WNT3A: variants seen among roughly 807,000 people sequenced by gnomAD.
The protein encoded by WNT3A is protein Wnt-3a.
A neutral mutation model predicts 37.0 loss-of-function variants in WNT3A; 17 were observed. The ratio of observed to expected loss-of-function variants is 0.46; its 90% CI spans 0.31 to 0.69. The LOEUF (loss-of-function observed/expected upper bound fraction) is 0.69. Ranked by LOEUF, WNT3A falls within the 30% of genes least tolerant of loss-of-function variation. The pLI, the probability that WNT3A is intolerant of heterozygous loss-of-function variation, is 0.05. For missense variants in WNT3A, 411 were observed against 510.2 expected (o/e 0.81, Z 1.87); for synonymous variants, 187 against 211.0 (o/e 0.89, Z 0.99).
chr1:228,014,740 C>T (rs2030477070), intron 1 of WNT3A, among the ~76,000 whole-genome samples: 1 of 152,266 alleles, frequency 6.6e-6, no homozygotes. Context: ...CTACCGCCCG[C>T]CTTGTGGTCC....
At chr1:228,058,486 T>G (rs889785439) in intron 3 of WNT3A, among the ~76,000 whole-genome samples, 3 of 152,238 alleles carry the variant, frequency 2.0e-5, no homozygotes, top group South Asian at 2.1e-4. Context: ...TGTCCCAACA[T>G]TGCCTTCCTC....
rs762167307 is a variant in WNT3A, at chr1:228,007,839, C to T, written c.71+640C>T. Reference sequence around the variant, plus strand: ...CTCTCTGCGAGCCCTCCGCATGGGTCCACCTGGCAATGAGGGGCTGCTGTA... The same window carrying T: ...CTCTCTGCGAGCCCTCCGCATGGGTTCACCTGGCAATGAGGGGCTGCTGTA... On this transcript the variant is annotated intron_variant, in intron 1 of 3. Coordinates refer to ENST00000284523, the MANE Select transcript of WNT3A (RefSeq NM_033131.4). The surrounding 1 kb of genome is among the most constrained non-coding windows in gnomAD (Gnocchi z 6.0). Among the ~76,000 whole-genome samples, 38 of 152,186 alleles carry T rather than the reference C, an allele frequency of 2.5e-4. No individual in the cohort carries two copies. The highest frequency in any genetic ancestry group is 5.9e-4 in the Admixed American group (9 of 15,302).
intron 3 of WNT3A, among the ~76,000 whole-genome samples, chr1:228,054,627 C>CAAAAAA (rs61497242): frequency 6.8e-5 from 4 of 58,516 alleles, no homozygotes; most frequent in African/African-American, 2.6e-4. Context: ...GACTCTGTCT[C>CAAAAAA]AAAAAAAAAA....
intron 2 of WNT3A, among the ~76,000 whole-genome samples, chr1:228,030,012 C>T (rs1349699489): frequency 6.6e-6 from 1 of 152,052 alleles, no homozygotes; most frequent in African/African-American, 2.4e-5. Flanking sequence ...CACTTGAGTC[C>T]AGGTTGAGGC....
intron 3 of WNT3A, among the ~76,000 whole-genome samples, chr1:228,057,194 C>G (rs2031700255): frequency 6.6e-6 from 1 of 152,044 alleles, no homozygotes; most frequent in East Asian, 1.9e-4. Context: ...TAAAGTAGTC[C>G]CAATACCACC....
intron 2 of WNT3A, among the ~76,000 whole-genome samples, chr1:228,047,079 C>T (rs1009603879): frequency 1.4e-4 from 22 of 152,140 alleles, no homozygotes; most frequent in Admixed American, 7.9e-4. Flanking sequence ...GCAGCCTGGG[C>T]GGCTGGGGCT....
intron 3 of WNT3A, among the ~76,000 whole-genome samples, chr1:228,056,053 C>T (rs1271127343): frequency 1.3e-5 from 2 of 152,216 alleles, no homozygotes; most frequent in African/African-American, 4.8e-5. Context: ...AGATTCTGCT[C>T]TGGGGACTCT....
At chr1:228,030,695 A>G (rs945432652) in intron 2 of WNT3A, among the ~76,000 whole-genome samples, 6 of 152,130 alleles carry the variant, frequency 3.9e-5, no homozygotes, top group African/African-American at 1.2e-4. Flanking sequence ...CTGCTTCTCA[A>G]ACACTGAGCA....
chr1:228,051,162 C>T (rs1241780659), intron 3 of WNT3A, among the ~76,000 whole-genome samples: 1 of 152,150 alleles, frequency 6.6e-6, no homozygotes, highest in Non-Finnish European at 1.5e-5. Context: ...AGTGATGAGG[C>T]AAAGGCCTGG....
intron 1 of WNT3A, among the ~76,000 whole-genome samples, chr1:228,013,977 C>T (rs765619990): frequency 1.4e-4 from 21 of 152,230 alleles, no homozygotes; most frequent in Non-Finnish European, 2.2e-4. Flanking sequence ...CAGAGACACC[C>T]ACCTGCCCTG....
At chr1:228,036,689 C>T (rs536444854) in intron 2 of WNT3A, among the ~76,000 whole-genome samples, 2 of 152,334 alleles carry the variant, frequency 1.3e-5, no homozygotes, top group African/African-American at 4.8e-5. Context: ...TCTCTGTCCC[C>T]TGCCGCAGGA....
At chr1:228,048,084 G>T (rs1217087390) in intron 2 of WNT3A, among the ~76,000 whole-genome samples, 1 of 152,164 alleles carries the variant, frequency 6.6e-6, no homozygotes. Flanking sequence ...GACCCTAAGG[G>T]GTCCATTGCA....
rs959917664 is a variant in WNT3A, at chr1:228,050,271, C to T, written c.314-385C>T. The stretch of plus-strand genomic sequence containing the variant: ...GGCTGTCCTGGTCTCAAGCAGTCCT[C>T]CTACTGTGCCTCTCAAAGTGCTGGG... On this transcript the variant is annotated intron_variant, in intron 2 of 3. Transcript: ENST00000284523. The surrounding 1 kb of genome is among the most constrained non-coding windows in gnomAD (Gnocchi z 5.0). Among the ~76,000 whole-genome samples the T allele has an allele frequency of 6.6e-6, 1 of 152,224 alleles. No homozygotes were observed. The highest frequency in any genetic ancestry group is 1.5e-5 in the Non-Finnish European group (1 of 68,042).
At chr1:228,021,118 C>T (rs549744403) in intron 1 of WNT3A, among the ~76,000 whole-genome samples, 26 of 152,282 alleles carry the variant, frequency 1.7e-4, no homozygotes, top group South Asian at 6.2e-4. Context: ...TAACCAACAT[C>T]GCAGTCAAAC....
In WNT3A at chr1:228,008,764, G is replaced by A. The variant is rs911235751; in HGVS notation, c.71+1565G>A. Among the ~76,000 whole-genome samples, 2 of 152,140 alleles carry A rather than the reference G, an allele frequency of 1.3e-5. No homozygotes were observed. Among genetic ancestry groups the A allele is most frequent in the Non-Finnish European group, 2.9e-5 (2 of 68,012 alleles). The stretch of plus-strand genomic sequence containing the variant: ...CCTGAGCGCAAAAGGAAGCTCCTTC[G>A]CCCCGCGCCCTTCCCATAAATGTCG... On this transcript the variant is annotated intron_variant, in intron 1 of 3. Transcript: ENST00000284523. The surrounding 1 kb of genome is among the most constrained non-coding windows in gnomAD (Gnocchi z 4.9).
chr1:228,050,042 G>A lies in WNT3A; in HGVS notation c.314-614G>A, dbSNP rs1427957900. On this transcript the variant is annotated intron_variant, in intron 2 of 3. Transcript: ENST00000284523. The surrounding 1 kb of genome is among the most constrained non-coding windows in gnomAD (Gnocchi z 5.0). ...AATCCTCCCACCTCTGCCTCCCAAA[G>A]GGCTGGGATTACAGATGTAAGCCAC... is the stretch of plus-strand genomic sequence containing the variant. Among the ~76,000 whole-genome samples, 1 of 151,494 alleles carries A rather than the reference G, an allele frequency of 6.6e-6. No homozygotes were observed. The highest frequency in any genetic ancestry group is 2.4e-5 in the African/African-American group (1 of 41,190).
At chr1:228,051,812 C>T (rs1392258230) in intron 3 of WNT3A, among the ~76,000 whole-genome samples, 1 of 152,176 alleles carries the variant, frequency 6.6e-6, no homozygotes, top group Non-Finnish European at 1.5e-5. Context: ...GGAGATTTTA[C>T]ACATGGCAGA....
chr1:228,050,969 G>A lies in WNT3A; in HGVS notation c.579+48G>A, dbSNP rs754521996. ...TGCTTGGGAAAAAGGAGCCTCCTCAGCAGGGTGTGTGCCCTGGTTCCTTGG... is the reference window on the plus strand; with the variant it reads ...TGCTTGGGAAAAAGGAGCCTCCTCAACAGGGTGTGTGCCCTGGTTCCTTGG... On this transcript the variant is annotated intron_variant, in intron 3 of 3. Coordinates refer to ENST00000284523, the MANE Select transcript of WNT3A (RefSeq NM_033131.4). This position sits in a 1 kb window ranked among gnomAD's most constrained non-coding sequence, Gnocchi z 5.0. 3 of 1,488,468 alleles carry A rather than the reference G, an allele frequency of 2.0e-6. No homozygotes were observed. The highest frequency in any genetic ancestry group is 2.4e-5 in the Admixed American group (1 of 41,812). The allele number at this position is 1,488,468 out of a possible 1,614,324, so 92.2% of individuals were successfully genotyped here.
chr1:228,053,017 G>T (rs950068505), intron 3 of WNT3A, among the ~76,000 whole-genome samples: 1 of 152,176 alleles, frequency 6.6e-6, no homozygotes, highest in African/African-American at 2.4e-5. Flanking sequence ...GACCAATGCT[G>T]CTGTAAAAGG....
Sources: gnomAD v4.1 joint callset for allele counts (sites outside exome capture counted in the v4.1 genomes callset) on GRCh38, gnomAD v4.1.1 for gene constraint, Gnocchi (gnomAD v3.1) non-coding constraint, MANE v1.5 for transcripts, NCBI Gene and HGNC (gene_info 2026-07-23, HGNC 2026-07-21) for gene names.